Variants in RAB27A observed in about 807,000 individuals in gnomAD.
RAB27A encodes the protein RAB27A, member RAS oncogene family.
A neutral mutation model predicts 20.8 loss-of-function variants in RAB27A; 17 were observed. The ratio of observed to expected loss-of-function variants is 0.82; its 90% CI spans 0.56 to 1.23. The LOEUF is 1.23. Among genes scored for constraint, RAB27A ranks in the 50% most tolerant of loss-of-function variants. RAB27A has a pLI of 0.00. For missense variants in RAB27A, 277 were observed against 266.7 expected (o/e 1.04, Z -0.27); for synonymous variants, 85 against 92.8 (o/e 0.92, Z 0.48).
chr15:55,261,283 G>C (rs909821307), intron 2 of RAB27A, among the ~76,000 whole-genome samples: 1 of 151,854 alleles, frequency 6.6e-6, no homozygotes, highest in Non-Finnish European at 1.5e-5. Flanking sequence ...TGTAATCCCA[G>C]CTACTCAGGA....
At chr15:55,208,873 G>T (rs1398673118) in intron 6 of RAB27A, among the ~76,000 whole-genome samples, 1 of 152,120 alleles carries the variant, frequency 6.6e-6, no homozygotes, top group African/African-American at 2.4e-5. Context: ...TATAAATAAA[G>T]GCATGAATAT....
chr15:55,205,301 T>C lies in RAB27A; in HGVS notation c.*206A>G. The C allele has an allele frequency of 1.6e-6, 1 of 621,394 alleles. No homozygotes were observed. 38.5% of individuals were successfully genotyped at this position (621,394 alleles called of 1,614,324 possible). On this transcript the variant is annotated 3_prime_UTR_variant, in exon 7 of 7. Coordinates refer to ENST00000336787, the MANE Select transcript of RAB27A (RefSeq NM_183235.3). ...ACTTTTGGCTCTGAAATATTTCTCC[T>C]AACTCTCAGGCTGAATCTTAAAGAA...
At chr15:55,254,316 C>T (rs1258379245) in intron 2 of RAB27A, among the ~76,000 whole-genome samples, 1 of 151,962 alleles carries the variant, frequency 6.6e-6, no homozygotes, top group African/African-American at 2.4e-5. Flanking sequence ...TGCTATATAG[C>T]CATCAAGCAT....
At chr15:55,210,370 T>A (rs1894960776) in intron 6 of RAB27A, among the ~76,000 whole-genome samples, 1 of 150,860 alleles carries the variant, frequency 6.6e-6, no homozygotes, top group Admixed American at 6.6e-5. Flanking sequence ...CACCTTTCTC[T>A]GCATCCTCAC....
intron 1 of RAB27A, among the ~76,000 whole-genome samples, chr15:55,287,651 G>A (rs1341449893): frequency 6.6e-6 from 1 of 152,030 alleles, no homozygotes; most frequent in Non-Finnish European, 1.5e-5. Flanking sequence ...GGAGGATGAG[G>A]CAGGAGAATC....
intron 6 of RAB27A, among the ~76,000 whole-genome samples, chr15:55,220,119 A>G (rs1042206178): frequency 6.6e-6 from 1 of 152,216 alleles, no homozygotes; most frequent in African/African-American, 2.4e-5. Flanking sequence ...ACACAGATTA[A>G]CATTCCATTT....
At chr15:55,297,846 A>T (rs951789308) in intron 2 of RAB27A, among the ~76,000 whole-genome samples, 1 of 152,190 alleles carries the variant, frequency 6.6e-6, no homozygotes, top group Non-Finnish European at 1.5e-5. Flanking sequence ...GAAATAATAA[A>T]AAACCATCAA....
At chr15:55,317,825 G>A in intron 1 of RAB27A, 1 of 397,194 alleles carries the variant, frequency 2.5e-6, no homozygotes. Context: ...GGAAAAGCTG[G>A]TTTTGGAAAG....
Position 55,226,867 on chromosome 15 carries a change from C to T in RAB27A, c.343+1742G>A, listed in dbSNP as rs538631438. On this transcript the variant is annotated intron_variant, in intron 5 of 6. Transcript: ENST00000336787. ...AGGGCAACAAGAGTAGAAACTCCAT[C>T]TCAAAAAAAAAAAAAAAAGATAAGA... Among the ~76,000 whole-genome samples, 5 of 130,760 alleles carry T rather than the reference C, an allele frequency of 3.8e-5. No homozygotes were observed. In the South Asian group the frequency reaches 7.4e-4, roughly 19 times the overall value. The allele number at this position is 130,760 out of a possible 152,430, so 85.8% of individuals were successfully genotyped here. A position where few individuals can be genotyped will look rare whatever the true frequency, so the allele number is the denominator to read the frequency against.
At chr15:55,287,039 C>A (rs1201706178) in intron 1 of RAB27A, among the ~76,000 whole-genome samples, 1 of 151,298 alleles carries the variant, frequency 6.6e-6, no homozygotes, top group Admixed American at 6.6e-5. Flanking sequence ...CCTGCCTCAG[C>A]CTCCTGAGTA....
chr15:55,262,887 C>T (rs2141074191), intron 2 of RAB27A, among the ~76,000 whole-genome samples: 1 of 152,224 alleles, frequency 6.6e-6, no homozygotes, highest in Middle Eastern at 3.4e-3. Context: ...TAACATTTCA[C>T]TGTTAAGAAT....
chr15:55,302,420 A>G (rs1008578921), intron 2 of RAB27A, among the ~76,000 whole-genome samples: 6 of 152,034 alleles, frequency 3.9e-5, no homozygotes, highest in Non-Finnish European at 8.8e-5. Context: ...ATCTCGGCTC[A>G]CTACAACCTA....
rs962391982 is a variant in RAB27A at position 55,204,930 on chromosome 15, T to C, written c.*577A>G. The C allele has an allele frequency of 3.1e-5, 5 of 160,180 alleles. No homozygotes were observed. The highest frequency in any genetic ancestry group is 1.7e-4 in the South Asian group (1 of 5,746). 9.9% of individuals were successfully genotyped at this position (160,180 alleles called of 1,614,324 possible). A position where few individuals can be genotyped will look rare whatever the true frequency, so the allele number is the denominator to read the frequency against. ...GTCAATCCAGTTTATCCAAGGTCTATAGATATAGCCATGATTTGTCCTATA... is the reference window on the plus strand; with the variant it reads ...GTCAATCCAGTTTATCCAAGGTCTACAGATATAGCCATGATTTGTCCTATA... On this transcript the variant is annotated 3_prime_UTR_variant, in exon 7 of 7. Transcript: ENST00000336787.
chr15:55,218,758 T>C (rs1384626425), intron 6 of RAB27A, among the ~76,000 whole-genome samples: 1 of 151,878 alleles, frequency 6.6e-6, no homozygotes, highest in Non-Finnish European at 1.5e-5. Flanking sequence ...TTTTTTTTTT[T>C]TAGAGGCAGA....
chr15:55,251,136 T>A (rs905024304), intron 2 of RAB27A, among the ~76,000 whole-genome samples: 1 of 152,154 alleles, frequency 6.6e-6, no homozygotes, highest in Non-Finnish European at 1.5e-5. Flanking sequence ...GACAGCTCAT[T>A]TGTAAGATCT....
At chr15:55,209,375 G>A (rs1179849499) in intron 6 of RAB27A, among the ~76,000 whole-genome samples, 1 of 152,084 alleles carries the variant, frequency 6.6e-6, no homozygotes, top group Admixed American at 6.5e-5. Flanking sequence ...TCCCACATAT[G>A]AGTAAGAACA....
chr15:55,220,755 G>C (rs1008402519), intron 6 of RAB27A, among the ~76,000 whole-genome samples: 2 of 152,102 alleles, frequency 1.3e-5, no homozygotes, highest in South Asian at 4.1e-4. Context: ...CAGTGTAAAT[G>C]TTCTAAGAAT....
chr15:55,255,234 A>C (rs1897035061), intron 2 of RAB27A, among the ~76,000 whole-genome samples: 1 of 152,194 alleles, frequency 6.6e-6, no homozygotes, highest in Non-Finnish European at 1.5e-5. Flanking sequence ...ACCAAACTGC[A>C]ACTCTATCCC....
chr15:55,306,005 G>A (rs2054995185), intron 2 of RAB27A, among the ~76,000 whole-genome samples: 1 of 151,662 alleles, frequency 6.6e-6, no homozygotes, highest in African/African-American at 2.4e-5. Flanking sequence ...GTCATGGGGG[G>A]CACTAAGAAT....
Sources: gnomAD v4.1 joint callset for allele counts (sites outside exome capture counted in the v4.1 genomes callset) on GRCh38, gnomAD v4.1.1 for gene constraint, MANE v1.5 for transcripts, NCBI Gene and HGNC (gene_info 2026-07-23, HGNC 2026-07-21) for gene names.